The following FAM117A variants were observed in gnomAD, a reference collection of about 807,000 sequenced individuals.
FAM117A encodes protein FAM117A.
A neutral mutation model predicts 44.1 loss-of-function variants in FAM117A; 21 were observed. The ratio of observed to expected loss-of-function variants is 0.48; its 90% CI spans 0.34 to 0.69. The LOEUF is 0.69. FAM117A is among the 30% of genes least tolerant of loss of function. The probability of loss-of-function intolerance (pLI) is 0.01; values close to 1 mark genes in which losing one functional copy is unlikely to be tolerated. For missense variants in FAM117A, 498 were observed against 589.9 expected, an observed-to-expected ratio of 0.84 and a Z score of 1.61; for synonymous variants, 220 against 238.3, an observed-to-expected ratio of 0.92 and a Z score of 0.71.
At chr17:49,746,804 A>G (rs1173268840) in intron 1 of FAM117A, among the ~76,000 whole-genome samples, 1 of 152,224 alleles carries the variant, frequency 6.6e-6, no homozygotes, top group African/African-American at 2.4e-5. Context: ...AAGGAAAATG[A>G]ATTAGAATTT....
upstream of FAM117A, chr17:49,788,839 C>T (rs753759182): frequency 2.5e-6 from 4 of 1,587,164 alleles, no homozygotes; most frequent in Admixed American, 1.8e-5. Context: ...CCGGCAATGC[C>T]GCGAAGGAAG....
chr17:49,759,529 C>T (rs914792536), intron 1 of FAM117A, among the ~76,000 whole-genome samples: 1 of 152,192 alleles, frequency 6.6e-6, no homozygotes, highest in Non-Finnish European at 1.5e-5. Context: ...GTTTTAACTG[C>T]ACCCCCAGGC....
chr17:49,748,832 GA>G (rs2073663875), intron 1 of FAM117A, among the ~76,000 whole-genome samples: 1 of 152,118 alleles, frequency 6.6e-6, no homozygotes, highest in African/African-American at 2.4e-5. Context: ...AAAATGACAA[GA>G]ATAATTCAAG....
intron 1 of FAM117A, among the ~76,000 whole-genome samples, chr17:49,760,056 TAACAGTTA>T (rs887802342): frequency 3.9e-5 from 6 of 152,232 alleles, no homozygotes; most frequent in Non-Finnish European, 5.9e-5. Flanking sequence ...CAAATTTGCC[TAACAGTTA>T]AGCTTTTATA....
chr17:49,717,065 G>T (rs557514113), intron 6 of FAM117A, among the ~76,000 whole-genome samples: 1 of 151,890 alleles, frequency 6.6e-6, no homozygotes, highest in Non-Finnish European at 1.5e-5. Context: ...ATAGAGATTT[G>T]GAGTAAAAAA....
chr17:49,754,515 A>G (rs1034804680), intron 1 of FAM117A, among the ~76,000 whole-genome samples: 1 of 151,752 alleles, frequency 6.6e-6, no homozygotes, highest in African/African-American at 2.4e-5. Context: ...TGTGTTAGCC[A>G]TGATGGTCTC....
intron 1 of FAM117A, among the ~76,000 whole-genome samples, chr17:49,755,480 A>G (rs941501447): frequency 6.6e-6 from 1 of 152,224 alleles, no homozygotes; most frequent in African/African-American, 2.4e-5. Flanking sequence ...CAAAGCCTAA[A>G]GCCAGGCAGT....
intron 2 of FAM117A, among the ~76,000 whole-genome samples, chr17:49,731,040 T>C (rs2073582497): frequency 6.6e-6 from 1 of 152,234 alleles, no homozygotes; most frequent in Non-Finnish European, 1.5e-5. Context: ...CATTCCAACA[T>C]GCCAAGAACA....
chr17:49,755,402 A>T (rs2073694854), intron 1 of FAM117A, among the ~76,000 whole-genome samples: 1 of 152,152 alleles, frequency 6.6e-6, no homozygotes, highest in African/African-American at 2.4e-5. Context: ...AGTTGGCAAA[A>T]ATCTACCTGG....
At chr17:49,773,465 CAAAA>C (rs969807260) in intron 1 of FAM117A, 16 of 64,584 alleles carry the variant, frequency 2.5e-4, no homozygotes, top group Admixed American at 6.6e-4. Flanking sequence ...AGACTCCAAC[CAAAA>C]AAAAAAAAAA....
intron 1 of FAM117A, among the ~76,000 whole-genome samples, chr17:49,780,248 A>G (rs531980929): frequency 6.6e-6 from 1 of 152,288 alleles, no homozygotes; most frequent in African/African-American, 2.4e-5. Context: ...AAAGACCCAC[A>G]TTTTACAAAT....
intron 1 of FAM117A, among the ~76,000 whole-genome samples, chr17:49,746,568 T>A (rs1018357719): frequency 3.3e-5 from 5 of 152,198 alleles, no homozygotes; most frequent in Admixed American, 6.5e-5. Flanking sequence ...AATTAAGAAG[T>A]GTCATGTCAT....
intron 1 of FAM117A, among the ~76,000 whole-genome samples, chr17:49,755,748 C>G (rs570302412): frequency 2.6e-5 from 4 of 152,208 alleles, no homozygotes; most frequent in Admixed American, 2.0e-4. Flanking sequence ...TTGTAAGTAG[C>G]TGAAGAGAGG....
At chr17:49,732,801 T>A in intron 1 of FAM117A, 81 bp from the exon 2 acceptor site, 1 of 1,461,492 alleles carries the variant, frequency 6.8e-7, no homozygotes, top group South Asian at 1.2e-5. Context: ...TTCTAAGAGA[T>A]GTGGCCTGCC....
intron 1 of FAM117A, among the ~76,000 whole-genome samples, chr17:49,781,784 C>A (rs903863849): frequency 1.3e-5 from 2 of 151,952 alleles, no homozygotes; most frequent in South Asian, 2.1e-4. Context: ...TGAGACCAGC[C>A]TAGGTAACAT....
chr17:49,733,547 C>A (rs1352384919), intron 1 of FAM117A, among the ~76,000 whole-genome samples: 1 of 151,924 alleles, frequency 6.6e-6, no homozygotes, highest in Non-Finnish European at 1.5e-5. Context: ...GTGGAGGGTG[C>A]CTGTAATCCC....
intron 3 of FAM117A, among the ~76,000 whole-genome samples, chr17:49,721,363 A>T (rs7225566): frequency 7.2e-5 from 11 of 152,124 alleles, no homozygotes; most frequent in African/African-American, 2.4e-4. Context: ...TAGATCTGCT[A>T]CCCACAGCCA....
At chr17:49,774,870 G>T (rs2073771523) in intron 1 of FAM117A, among the ~76,000 whole-genome samples, 1 of 152,118 alleles carries the variant, frequency 6.6e-6, no homozygotes, top group Admixed American at 6.6e-5. Context: ...TTACTTTGGG[G>T]GTTCCTCATT....
chr17:49,725,394 C>T (rs1234977241), intron 2 of FAM117A, among the ~76,000 whole-genome samples: 1 of 152,150 alleles, frequency 6.6e-6, no homozygotes, highest in Non-Finnish European at 1.5e-5. Flanking sequence ...ATACTTGTCC[C>T]GTCTGAGTTT....
Sources: gnomAD v4.1 joint callset for allele counts (sites outside exome capture counted in the v4.1 genomes callset) on GRCh38, gnomAD v4.1.1 for gene constraint, MANE v1.5 for transcripts, NCBI Gene and HGNC (gene_info 2026-07-23, HGNC 2026-07-21) for gene names.